Variants in PIGN observed in about 807,000 individuals in gnomAD.
PIGN encodes phosphatidylinositol glycan anchor biosynthesis class N.
Under a neutral mutation model 125.4 loss-of-function variants are expected in PIGN, and 117 were observed. That is an observed-to-expected ratio of 0.93 (90% CI 0.80 to 1.09). The LOEUF (loss-of-function observed/expected upper bound fraction) is 1.09, where lower values mean the gene tolerates loss of function less well. Among genes scored for constraint, PIGN ranks in the 50% least tolerant of loss-of-function variants. The pLI, the probability that PIGN is intolerant of heterozygous loss-of-function variation, is 0.00. For missense variants in PIGN, 1,075 were observed against 1,094.9 expected (o/e 0.98, Z 0.26); for synonymous variants, 392 against 377.8 (o/e 1.04, Z -0.44).
intron 6 of PIGN, among the ~76,000 whole-genome samples, chr18:62,154,968 C>T (rs543851354): frequency 6.6e-6 from 1 of 152,252 alleles, no homozygotes; most frequent in South Asian, 2.1e-4. Context: ...AAAATAAGCA[C>T]AATATTTGTC....
At chr18:62,048,640 G>A (rs1373519240) in intron 30 of PIGN, among the ~76,000 whole-genome samples, 12 of 148,462 alleles carry the variant, frequency 8.1e-5, no homozygotes, top group African/African-American at 2.7e-4. Flanking sequence ...AAAACCAAAT[G>A]AATTTATTGC....
intron 7 of PIGN, among the ~76,000 whole-genome samples, chr18:62,150,220 G>C (rs1450306568): frequency 6.6e-6 from 1 of 152,196 alleles, no homozygotes; most frequent in African/African-American, 2.4e-5. Context: ...CTGGCCTCAA[G>C]TGATTCACCC....
chr18:62,032,909 G>A (rs2144893310), intron 23 of PIGN, among the ~76,000 whole-genome samples: 1 of 152,338 alleles, frequency 6.6e-6, no homozygotes, highest in East Asian at 1.9e-4. Flanking sequence ...AAATGCTGAA[G>A]AGATACAAAC....
chr18:62,182,070 C>T (rs2037737338), intron 1 of PIGN, among the ~76,000 whole-genome samples: 1 of 152,266 alleles, frequency 6.6e-6, no homozygotes, highest in African/African-American at 2.4e-5. Flanking sequence ...CTTCTATGAA[C>T]ATTACTGCTT....
chr18:62,031,865 G>T (rs920776085), intron 23 of PIGN, among the ~76,000 whole-genome samples: 2 of 152,100 alleles, frequency 1.3e-5, no homozygotes, highest in African/African-American at 2.4e-5. Flanking sequence ...AAACAGAGTG[G>T]CTTGACCAAT....
chr18:62,114,754 CA>C, intron 14 of PIGN, 115 bp from the exon 15 acceptor site: 1 of 498,702 alleles, frequency 2.0e-6, no homozygotes, highest in Non-Finnish European at 3.4e-6. Flanking sequence ...GCAAACAAAA[CA>C]AAAATCAAAG....
intron 1 of PIGN, among the ~76,000 whole-genome samples, chr18:62,174,803 T>C (rs922779832): frequency 1.3e-5 from 2 of 151,622 alleles, no homozygotes; most frequent in Non-Finnish European, 2.9e-5. Context: ...AGCAACTAGC[T>C]GAACAGAAAA....
chr18:62,134,704 C>T (rs912869392), intron 14 of PIGN, among the ~76,000 whole-genome samples: 1 of 152,200 alleles, frequency 6.6e-6, no homozygotes, highest in African/African-American at 2.4e-5. Context: ...TTTTATGCTA[C>T]AATTAGATTT....
chr18:62,061,801 C>T (rs1269364285), intron 30 of PIGN, among the ~76,000 whole-genome samples: 1 of 152,120 alleles, frequency 6.6e-6, no homozygotes, highest in Non-Finnish European at 1.5e-5. Flanking sequence ...TAATTGGAAA[C>T]TCAAAACTTA....
intron 14 of PIGN, among the ~76,000 whole-genome samples, chr18:62,127,228 G>T (rs2035567036): frequency 6.6e-6 from 1 of 152,116 alleles, no homozygotes; most frequent in African/African-American, 2.4e-5. Flanking sequence ...ACCATAAGTT[G>T]AAAATATCTT....
At chr18:62,034,279 T>C (rs1268728383) in intron 23 of PIGN, among the ~76,000 whole-genome samples, 1 of 152,218 alleles carries the variant, frequency 6.6e-6, no homozygotes. Flanking sequence ...GGTCTCACTA[T>C]GTTGCCCAGG....
At chr18:62,185,787 T>A (rs527477482) in intron 1 of PIGN, among the ~76,000 whole-genome samples, 16 of 150,346 alleles carry the variant, frequency 1.1e-4, no homozygotes, top group Non-Finnish European at 2.4e-4. Context: ...CCTTTTCAGA[T>A]CATAATCAAG....
chr18:62,106,483 C>A (rs913047049), intron 19 of PIGN, among the ~76,000 whole-genome samples: 3 of 152,006 alleles, frequency 2.0e-5, no homozygotes, highest in African/African-American at 7.2e-5. Flanking sequence ...CTGGACGACT[C>A]CTTGCCTGGT....
chr18:62,093,149 A>G (rs1303773037), intron 23 of PIGN, among the ~76,000 whole-genome samples: 1 of 152,086 alleles, frequency 6.6e-6, no homozygotes, highest in Non-Finnish European at 1.5e-5. Context: ...ACAAAAGGCA[A>G]CCGTCATTTT....
At chr18:62,170,088 C>T (rs1181910367) in intron 1 of PIGN, among the ~76,000 whole-genome samples, 3 of 152,154 alleles carry the variant, frequency 2.0e-5, no homozygotes, top group Admixed American at 6.5e-5. Flanking sequence ...GTACTGGTAG[C>T]TTGTTGTGAT....
At chr18:62,159,004 C>G (rs1327171844) in intron 4 of PIGN, among the ~76,000 whole-genome samples, 2 of 152,214 alleles carry the variant, frequency 1.3e-5, no homozygotes, top group African/African-American at 4.8e-5. Flanking sequence ...GTAATCCCAG[C>G]ACTTTGGGAA....
chr18:62,098,931 T>C (rs2034323798), intron 22 of PIGN, among the ~76,000 whole-genome samples: 2 of 151,974 alleles, frequency 1.3e-5, no homozygotes, highest in South Asian at 2.1e-4. Context: ...ATACTCCAAA[T>C]AGAGAAAGAA....
Position 62,042,932 on chromosome 18 carries a change from A to C in PIGN, c.*2924T>G, listed in dbSNP as rs12458208. 52,145 of 151,436 alleles carry C rather than the reference A, an allele frequency of 0.34. 10,044 individuals are homozygous for C. Among genetic ancestry groups the C allele is most frequent in the East Asian group, 0.7 (3,616 of 5,154 alleles). 9.4% of individuals were successfully genotyped at this position (151,436 alleles called of 1,614,324 possible). Reference sequence around the variant, plus strand: ...GTCTCAAAACAAAAACGAAAAAAAAAAAAACAAAAAACCATGCTTATACAG... The same window carrying C: ...GTCTCAAAACAAAAACGAAAAAAAACAAAACAAAAAACCATGCTTATACAG... On this transcript the variant is annotated 3_prime_UTR_variant, in exon 31 of 31. Transcript: ENST00000640252.
chr18:62,122,009 G>C (rs975496771), intron 14 of PIGN, among the ~76,000 whole-genome samples: 1 of 152,136 alleles, frequency 6.6e-6, no homozygotes, highest in Non-Finnish European at 1.5e-5. Flanking sequence ...AGGGAGTAGA[G>C]AGTAGACTGG....
Sources: gnomAD v4.1 joint callset for allele counts (sites outside exome capture counted in the v4.1 genomes callset) on GRCh38, gnomAD v4.1.1 for gene constraint, MANE v1.5 for transcripts, NCBI Gene and HGNC (gene_info 2026-07-23, HGNC 2026-07-21) for gene names.